DNAH5: variants seen among roughly 807,000 people sequenced by gnomAD.
DNAH5 encodes the protein axonemal beta dynein heavy chain 5.
A neutral mutation model predicts 518.2 loss-of-function variants in DNAH5; 372 were observed. That is an observed-to-expected ratio of 0.72 (90% confidence interval 0.66 to 0.78). The LOEUF is 0.78. DNAH5 is among the 30% of genes least tolerant of loss of function. The pLI is 0.00. For synonymous variants in DNAH5, 2,039 were observed against 2,025.9 expected (o/e 1.01, Z -0.17); for missense variants, 5,523 against 5,687.0 (o/e 0.97, Z 0.93).
intron 56 of DNAH5, 90 bp from the exon 57 acceptor site, chr5:13,769,705 T>C (rs1753062106): frequency 1.8e-6 from 2 of 1,115,926 alleles, no homozygotes; most frequent in South Asian, 1.2e-5. Flanking sequence ...GTGGTAATGG[T>C]TATATCTGAA....
intron 44 of DNAH5, chr5:13,810,584 CAAAAA>C (rs61113976): frequency 7.0e-5 from 7 of 99,784 alleles, no homozygotes; most frequent in Non-Finnish European, 1.0e-4. Flanking sequence ...ACTAAAAATA[CAAAAA>C]AAAAAAAAAA....
chr5:13,838,577 C>T (rs763832607), intron 35 of DNAH5, among the ~76,000 whole-genome samples: 3 of 152,202 alleles, frequency 2.0e-5, no homozygotes, highest in Non-Finnish European at 2.9e-5. Context: ...TGTCTCCCAT[C>T]ACCCCCAGAT....
At position 13,830,733 on chromosome 5, in the gene DNAH5, C is replaced by T. The variant is rs755312532; in HGVS notation, c.5925G>A (p.Gly1975=). The part of the protein sequence containing the change: ...TLAQALGMSM[G]GAPAGPAGTG... ...TGCCTGCAGGTCCAGCAGGGGCTCC[C>T]CCCATGCTCATTCCCAGAGCTTGAG... Residue 1975 remains glycine, a synonymous_variant, in exon 36 of 79, where the codon GGG becomes GGA. Coordinates refer to ENST00000265104, the MANE Select transcript of DNAH5 (RefSeq NM_001369.3). 1.9e-6 allele frequency: 3 copies of T among 1,614,174 alleles called. No individual in the cohort carries two copies. The highest frequency in any genetic ancestry group is 1.7e-5 in the Admixed American group (1 of 60,022).
intron 17 of DNAH5, among the ~76,000 whole-genome samples, chr5:13,889,708 T>C (rs1772925688): frequency 6.6e-6 from 1 of 152,014 alleles, no homozygotes; most frequent in African/African-American, 2.4e-5. Flanking sequence ...CTCTAATAGG[T>C]TTCCCTGGGC....
chr5:13,743,865 T>C (rs904329536), intron 65 of DNAH5, among the ~76,000 whole-genome samples: 8 of 152,092 alleles, frequency 5.3e-5, no homozygotes, highest in African/African-American at 1.9e-4. Context: ...TGTGGGAATG[T>C]AAACTAGAAC....
At chr5:13,986,093 C>A (rs1783035793) in intron 1 of DNAH5, among the ~76,000 whole-genome samples, 1 of 152,186 alleles carries the variant, frequency 6.6e-6, no homozygotes, top group East Asian at 1.9e-4. Context: ...CAGCAAGAGA[C>A]CTGGAGACAT....
At chr5:13,863,447 A>T (rs1038488361) in intron 28 of DNAH5, among the ~76,000 whole-genome samples, 1 of 151,198 alleles carries the variant, frequency 6.6e-6, no homozygotes, top group African/African-American at 2.4e-5. Context: ...ACCCAATCTG[A>T]TCACCTTCCC....
At chr5:13,876,336 T>C in intron 22 of DNAH5, among the ~76,000 whole-genome samples, 1 of 152,338 alleles carries the variant, frequency 6.6e-6, no homozygotes, top group South Asian at 2.1e-4. Flanking sequence ...CTTATTCTAT[T>C]TCAAATATGT....
rs752476180 is a variant in DNAH5 at position 13,817,708 on chromosome 5, A to G, written c.6842-14T>C. 1.4e-4 allele frequency: 218 copies of G among 1,613,820 alleles called. No individual in the cohort carries two copies. Among genetic ancestry groups the G allele is most frequent in the Non-Finnish European group, 2.1e-5 (25 of 1,179,892 alleles). ...GTTTTCCACAATCTATACCAAGTAA[A>G]TCCAAATTTTAGACATCTCAGATGG... On this transcript the variant is annotated splice_polypyrimidine_tract_variant and intron_variant, in intron 41 of 78. Transcript: ENST00000265104.
chr5:13,711,939 A>G (rs935577309), intron 75 of DNAH5, among the ~76,000 whole-genome samples: 9 of 152,192 alleles, frequency 5.9e-5, no homozygotes, highest in African/African-American at 2.2e-4. Context: ...CCACACTGCC[A>G]AAAGCAATCT....
rs2126563913 is a variant in DNAH5 at position 13,727,506 on chromosome 5, C to T, written c.12033+1G>A. The T allele has an allele frequency of 1.2e-6, 2 of 1,611,654 alleles. No homozygotes were observed. The highest frequency in any genetic ancestry group is 1.7e-6 in the Non-Finnish European group (2 of 1,178,524). The stretch of plus-strand genomic sequence containing the variant: ...TTTTCTCTTTAATATGGACTTTTTA[C>T]CTGGGCGATGGTTCTGTCAGGACAC... On this transcript the variant is annotated splice_donor_variant, in intron 70 of 78. Transcript: ENST00000265104. LOFTEE classifies it high-confidence loss of function.
chr5:13,763,635 A>C (rs961368812), intron 59 of DNAH5, among the ~76,000 whole-genome samples: 2 of 152,242 alleles, frequency 1.3e-5, no homozygotes, highest in Non-Finnish European at 2.9e-5. Flanking sequence ...TTCCAAGCGG[A>C]AAGAAATTTA....
rs1414814892 is a variant in DNAH5 at position 13,830,652 on chromosome 5, C to T, written c.6006G>A (p.Val2002=). 6.2e-7 allele frequency: 1 copy of T among 1,614,034 alleles called. No individual in the cohort carries two copies. The highest frequency in any genetic ancestry group is 8.5e-7 in the Non-Finnish European group (1 of 1,180,028). Residue 2002 remains valine (V), a synonymous_variant, in exon 36 of 79, where the codon GTG becomes GTA. Transcript: ENST00000265104. The stretch of plus-strand genomic sequence containing the variant: ...CCATCTGGTCTGAACAATTGAAAAC[C>T]ACGACGTATTTCCCGAGGCATCGTC... ...DMGRCLGKYV[V]VFNCSDQMDF...
In DNAH5 at chr5:13,922,025, T is replaced by C. The variant is rs1777359258; in HGVS notation, c.660+82A>G. ...CTGAAACATAGAGGAATTAAGACCA[T>C]CTAAGAGAAGCATTACACACTTATG... On this transcript the variant is annotated intron_variant, in intron 5 of 78. Transcript: ENST00000265104. 8 of 1,432,524 alleles carry C rather than the reference T, an allele frequency of 5.6e-6. No individual in the cohort carries two copies. The South Asian group carries it at 7.1e-5, about 13-fold the overall frequency. The allele number at this position is 1,432,524 out of a possible 1,614,324, so 88.7% of individuals were successfully genotyped here.
In DNAH5 at chr5:13,692,080, C is replaced by A; in HGVS notation, c.13779G>T (p.Thr4593=). ...CCACAGCGGCAATGTAGTTCAAGTC[C>A]GTTCGAACTGGCTTCTTATAGATGG... The part of the protein sequence containing the change: ...SCPIYKKPVR[T]DLNYIAAVDL... The change falls in exon 79 of 79, where the codon ACG becomes ACT. Residue 4593 remains threonine, a synonymous_variant. Transcript: ENST00000265104. The A allele has an allele frequency of 1.2e-6, 2 of 1,613,992 alleles. No individual in the cohort carries two copies. The highest frequency in any genetic ancestry group is 1.7e-6 in the Non-Finnish European group (2 of 1,179,962).
At chr5:13,876,844 T>G in intron 21 of DNAH5, 27 bp from the exon 22 acceptor site, 4 of 1,607,460 alleles carry the variant, frequency 2.5e-6, no homozygotes, top group Non-Finnish European at 3.4e-6. Context: ...AAGAGAAAAC[T>G]TTACACTACT....
chr5:13,764,740 T>C (rs963074723), intron 59 of DNAH5, among the ~76,000 whole-genome samples: 1 of 152,160 alleles, frequency 6.6e-6, no homozygotes. Context: ...AAATGACCAA[T>C]ATTCACAGCA....
chr5:13,827,188 T>G (rs1190911777), intron 38 of DNAH5, among the ~76,000 whole-genome samples: 3 of 152,156 alleles, frequency 2.0e-5, no homozygotes, highest in Non-Finnish European at 2.9e-5. Context: ...AAGCAGAGCA[T>G]AAAAGTTTTG....
chr5:13,700,881 G>T lies in DNAH5; in HGVS notation c.13492-10C>A. On this transcript the variant is annotated splice_polypyrimidine_tract_variant and intron_variant, in intron 77 of 78. Coordinates refer to ENST00000265104, the MANE Select transcript of DNAH5 (RefSeq NM_001369.3). Reference sequence around the variant, plus strand: ...TGGCCCGAGTTATTTCCTATTCAGGGCAGCAAAAGATGAATGGAGCGGTTA... The same window carrying T: ...TGGCCCGAGTTATTTCCTATTCAGGTCAGCAAAAGATGAATGGAGCGGTTA... 6.2e-7 allele frequency: 1 copy of T among 1,613,518 alleles called. No homozygotes were observed. The highest frequency in any genetic ancestry group is 8.5e-7 in the Non-Finnish European group (1 of 1,179,520).
Sources: allele counts gnomAD v4.1 joint callset (sites outside exome capture counted in the v4.1 genomes callset), GRCh38; gene constraint gnomAD v4.1.1; transcripts MANE v1.5; gene names NCBI Gene and HGNC (gene_info 2026-07-23, HGNC 2026-07-21).